The following MATN1 variants were observed in gnomAD, a reference collection of about 807,000 sequenced individuals.
The protein encoded by MATN1 is matrilin 1, also known as matrilin-1.
In MATN1, 34 loss-of-function variants were observed where a neutral mutation model predicts 41.3. That is an observed-to-expected ratio of 0.82 (90% confidence interval 0.63 to 1.10). The LOEUF (loss-of-function observed/expected upper bound fraction) is 1.10. Ranked by LOEUF, MATN1 falls within the 50% of genes least tolerant of loss-of-function variation. The pLI is 0.00. For missense variants in MATN1, 602 were observed against 662.4 expected (o/e 0.91, Z 1.00); for synonymous variants, 264 against 278.7 (o/e 0.95, Z 0.53).
chr1:30,713,789 A>G lies in MATN1; in HGVS notation c.1442-158T>C, dbSNP rs961399982. ...GTCCTCAGAATGGTGCTTTCCAAAA[A>G]ACACAGCCAGTTACTGTGAGCCACG... On this transcript the variant is annotated intron_variant, in intron 7 of 7. Coordinates refer to ENST00000373765, the MANE Select transcript of MATN1 (RefSeq NM_002379.3). The G allele has an allele frequency of 2.2e-5, 15 of 673,410 alleles. No homozygotes were observed. The Admixed American group carries it at 3.5e-4, about 16-fold the overall frequency. The allele number at this position is 673,410 out of a possible 1,614,324, so 41.7% of individuals were successfully genotyped here.
chr1:30,721,019 G>T (rs924943748), intron 2 of MATN1: 3 of 203,298 alleles, frequency 1.5e-5, no homozygotes, highest in Non-Finnish European at 2.0e-5. Context: ...ACTTGCTCGG[G>T]GTGGCACAGC....
intron 6 of MATN1, among the ~76,000 whole-genome samples, chr1:30,714,940 T>A (rs2124151653): frequency 6.6e-6 from 1 of 152,306 alleles, no homozygotes; most frequent in African/African-American, 2.4e-5. Context: ...TGATGTAATA[T>A]CCGGAGAGCA....
At position 30,715,287 on chromosome 1, in the gene MATN1, A is replaced by C; in HGVS notation, c.1230T>G (p.Gly410=). 1 of 1,614,172 alleles carries C rather than the reference A, an allele frequency of 6.2e-7. No homozygotes were observed. Among genetic ancestry groups the C allele is most frequent in the Non-Finnish European group, 8.5e-7 (1 of 1,180,034 alleles). ...KDLGFKMFAV[G]VGNAVEDELR... is the part of the protein sequence containing the mutation. ...GCTCATCCTCCACGGCATTGCCCAC[A>C]CCCACAGCAAACATCTTAAAGCCTG... The change falls in exon 6 of 8, where the codon GGT becomes GGG. Residue 410 remains glycine, a synonymous_variant. Transcript: ENST00000373765.
chr1:30,716,056 T>C lies in MATN1; in HGVS notation c.1060A>G (p.Thr354Ala). ...ATGAGGTACTTGAGAGCAGCCCCAGTCATTGTGCCCTTCTCCATGTAGGAC... is the reference window on the plus strand; with the variant it reads ...ATGAGGTACTTGAGAGCAGCCCCAGCCATTGTGCCCTTCTCCATGTAGGAC... The part of the protein sequence containing the change: ...NMSYMEKGTM[T>A]GAALKYLIDN... The change falls in exon 5 of 8, where the codon ACT becomes GCT. Residue 354 changes from threonine to alanine, a missense_variant. Coordinates refer to ENST00000373765, the MANE Select transcript of MATN1 (RefSeq NM_002379.3). 1 of 1,614,194 alleles carries C rather than the reference T, an allele frequency of 6.2e-7. No individual in the cohort carries two copies. Among genetic ancestry groups the C allele is most frequent in the South Asian group, 1.1e-5 (1 of 91,076 alleles).
rs140935644 is a variant in MATN1 at position 30,723,577 on chromosome 1, G to A, written c.-26C>T. On this transcript the variant is annotated 5_prime_UTR_variant, in exon 1 of 8. Coordinates refer to ENST00000373765, the MANE Select transcript of MATN1 (RefSeq NM_002379.3). ...AGTTCTGGCAGCACGGGCAGCAGCC[G>A]GCACGGTTGTGGGACCAGTGGGGTC... 5.1e-4 allele frequency: 778 copies of A among 1,516,518 alleles called. 4 individuals are homozygous for A. The African/African-American group carries it at 8.6e-3, about 17-fold the overall frequency. The allele number at this position is 1,516,518 out of a possible 1,614,324, so 93.9% of individuals were successfully genotyped here. A position where few individuals can be genotyped will look rare whatever the true frequency, so the allele number is the denominator to read the frequency against.
At position 30,721,571 on chromosome 1, in the gene MATN1, T is replaced by C; in HGVS notation, c.275A>G (p.Glu92Gly). Residue 92 changes from glutamate to glycine, a missense_variant, in exon 2 of 8, where the codon GAG becomes GGG. Coordinates refer to ENST00000373765, the MANE Select transcript of MATN1 (RefSeq NM_002379.3). ...MVNYASTVKQ[E>G]FSLRAHVSKA... ...GGAGACATGAGCCCGCAGCGAGAAC[T>C]CCTGCTTCACGGTGCTGGCATAGTT... The C allele has an allele frequency of 6.2e-7, 1 of 1,613,384 alleles. No homozygotes were observed. The highest frequency in any genetic ancestry group is 8.5e-7 in the Non-Finnish European group (1 of 1,180,026).
intron 2 of MATN1, 105 bp downstream of exon 2, chr1:30,721,300 C>T: frequency 8.9e-7 from 1 of 1,126,536 alleles, no homozygotes; most frequent in South Asian, 1.5e-5. Flanking sequence ...ATGAAATGGC[C>T]ACCTCACGGG....
chr1:30,718,226 T>C (rs1212115561), intron 3 of MATN1, among the ~76,000 whole-genome samples: 1 of 147,302 alleles, frequency 6.8e-6, no homozygotes, highest in Non-Finnish European at 1.5e-5. Flanking sequence ...GACGCTGACT[T>C]TTTCTGTCTT....
chr1:30,713,962 AT>A (rs1639585931), intron 7 of MATN1: 1 of 578,682 alleles, frequency 1.7e-6, no homozygotes, highest in Non-Finnish European at 3.1e-6. Flanking sequence ...GAAATGGGGC[AT>A]CCATGGGCTC....
At chr1:30,720,448 G>C (rs2124159321) in intron 2 of MATN1, 1 of 152,372 alleles carries the variant, frequency 6.6e-6, no homozygotes, top group South Asian at 2.1e-4. Flanking sequence ...ATTATATGCT[G>C]TTGTCTCTGT....
rs1192629220 is a variant in MATN1 at position 30,712,246 on chromosome 1, A to G, written c.*1336T>C. On this transcript the variant is annotated 3_prime_UTR_variant, in exon 8 of 8. Transcript: ENST00000373765. ...AGGACAGAGATGGAGATTCCGGAGC[A>G]GCACTGGTCCAACAGGGGCCTGGGG... The G allele has an allele frequency of 1.3e-5, 2 of 152,272 alleles. No individual in the cohort carries two copies. Among genetic ancestry groups the G allele is most frequent in the African/African-American group, 4.8e-5 (2 of 41,442 alleles). The allele number at this position is 152,272 out of a possible 1,614,324, so 9.4% of individuals were successfully genotyped here.
At chr1:30,716,479 C>T (rs1639619854) in intron 4 of MATN1, among the ~76,000 whole-genome samples, 154 bp from the exon 5 acceptor site, 1 of 152,200 alleles carries the variant, frequency 6.6e-6, no homozygotes. Context: ...TGACTGGTCC[C>T]ACTGTACAGT....
At chr1:30,715,127 C>G (rs1158231707) in intron 6 of MATN1, 30 bp downstream of exon 6, 1 of 1,610,400 alleles carries the variant, frequency 6.2e-7, no homozygotes, top group Non-Finnish European at 8.5e-7. Flanking sequence ...ACCTGCAAAT[C>G]CCATCAATGC....
intron 2 of MATN1, chr1:30,719,234 T>C: frequency 2.3e-6 from 1 of 442,034 alleles, no homozygotes; most frequent in South Asian, 4.3e-5. Context: ...GTCTCTAAGG[T>C]CAGGGCCATG....
intron 2 of MATN1, 132 bp from the exon 3 acceptor site, chr1:30,719,089 C>T: frequency 1.6e-6 from 1 of 641,252 alleles, no homozygotes; most frequent in Non-Finnish European, 2.5e-6. Context: ...GGGAAGAGGA[C>T]CCGGCTGGCC....
intron 6 of MATN1, 75 bp from the exon 7 acceptor site, chr1:30,714,402 G>T (rs1033381375): frequency 4.1e-6 from 5 of 1,224,778 alleles, no homozygotes; most frequent in African/African-American, 1.5e-5. Flanking sequence ...GACAGTCACT[G>T]CCCAGGGCCA....
chr1:30,714,027 T>C, intron 7 of MATN1: 1 of 595,290 alleles, frequency 1.7e-6, no homozygotes. Flanking sequence ...CCCTAGATCC[T>C]GGCTTCTGCC....
intron 5 of MATN1, among the ~76,000 whole-genome samples, 168 bp from the exon 6 acceptor site, chr1:30,715,477 C>A (rs756270144): frequency 1.3e-5 from 2 of 152,236 alleles, no homozygotes; most frequent in Non-Finnish European, 2.9e-5. Flanking sequence ...TCAATATTTA[C>A]TGAGGTTCTG....
chr1:30,718,905 G>A lies in MATN1; in HGVS notation c.494C>T (p.Ser165Phe), dbSNP rs1476797437. The A allele has an allele frequency of 6.3e-7, 1 of 1,575,922 alleles. No individual in the cohort carries two copies. ...GACGCCGCTGGCCCGGGCCCGCGCA[G>A]ACACGTCCTGCACGCTGTCCTGGGG... is the stretch of plus-strand genomic sequence containing the variant. ...GRPQDSVQDV[S>F]ARARASGVEL... The change falls in exon 3 of 8, where the codon TCT (serine) becomes TTT (phenylalanine). Residue 165 changes from serine (S) to phenylalanine (F), a missense_variant. By Grantham distance (155) the Ser-to-Phe change is radical (BLOSUM62 -2). Transcript: ENST00000373765.
Sources: allele counts gnomAD v4.1 joint callset (sites outside exome capture counted in the v4.1 genomes callset), GRCh38; gene constraint gnomAD v4.1.1; transcripts MANE v1.5; gene names NCBI Gene and HGNC (gene_info 2026-07-23, HGNC 2026-07-21).